Variants in AQP9 observed in about 807,000 individuals in gnomAD.
AQP9 encodes aquaporin-9.
Under a neutral mutation model 23.8 loss-of-function variants are expected in AQP9, and 19 were observed. The ratio of observed to expected loss-of-function variants is 0.80; its 90% CI spans 0.56 to 1.17. The LOEUF (loss-of-function observed/expected upper bound fraction) is 1.17, where lower values mean the gene tolerates loss of function less well. Ranked by LOEUF, AQP9 falls within the 50% of genes most tolerant of loss-of-function variation. AQP9 has a pLI of 0.00. For synonymous variants in AQP9, 153 were observed against 131.5 expected (o/e 1.16, Z -1.12); for missense variants, 413 against 362.0 (o/e 1.14, Z -1.14).
At chr15:58,167,729 G>T (rs1339569406) in intron 2 of AQP9, among the ~76,000 whole-genome samples, 2 of 151,126 alleles carry the variant, frequency 1.3e-5, no homozygotes, top group Non-Finnish European at 2.9e-5. Context: ...TTTTTGTTTG[G>T]TTTTGTTTTT....
At chr15:58,146,817 G>A (rs756070898) in intron 1 of AQP9, 2 of 152,192 alleles carry the variant, frequency 1.3e-5, no homozygotes, top group Non-Finnish European at 2.9e-5. Flanking sequence ...AAGCCTGGGG[G>A]ATGCAGGTGC....
chr15:58,138,367 AG>A, upstream of AQP9: 2 of 476,038 alleles, frequency 4.2e-6, no homozygotes, highest in Non-Finnish European at 7.6e-6. Flanking sequence ...AGCAGCGAAC[AG>A]GGAATGACAG....
At position 58,174,864 on chromosome 15, in the gene AQP9, C is replaced by A. The variant is rs202150980; in HGVS notation, c.377-54C>A. 1.1e-3 allele frequency: 1,676 copies of A among 1,487,344 alleles called. 30 individuals carry two copies. The highest frequency in any genetic ancestry group is 2.3e-4 in the Non-Finnish European group (240 of 1,065,288). 92.1% of individuals were successfully genotyped at this position (1,487,344 alleles called of 1,614,324 possible). A position where few individuals can be genotyped will look rare whatever the true frequency, so the allele number is the denominator to read the frequency against. On this transcript the variant is annotated intron_variant, in intron 3 of 5. Transcript: ENST00000219919. ...GTTTAGCACAAGGCTTGGCACAGGC[C>A]TCCTTCAACTCTTCCCAGGGAACAC...
At chr15:58,168,616 G>A (rs1898558092) in intron 2 of AQP9, among the ~76,000 whole-genome samples, 1 of 152,240 alleles carries the variant, frequency 6.6e-6, no homozygotes, top group South Asian at 2.1e-4. Flanking sequence ...AGGCTGGACT[G>A]TGATGGTGGG....
chr15:58,139,331 G>A (rs1159238865), intron 1 of AQP9, among the ~76,000 whole-genome samples: 1 of 152,066 alleles, frequency 6.6e-6, no homozygotes, highest in Non-Finnish European at 1.5e-5. Flanking sequence ...TATAAACGAG[G>A]GACGACTTCT....
At chr15:58,140,453 T>G (rs1897932782) in intron 1 of AQP9, among the ~76,000 whole-genome samples, 2 of 152,218 alleles carry the variant, frequency 1.3e-5, no homozygotes, top group African/African-American at 4.8e-5. Flanking sequence ...TAATTTCCAT[T>G]TATACTATAC....
intron 1 of AQP9, among the ~76,000 whole-genome samples, chr15:58,165,956 G>A (rs1898492605): frequency 6.6e-6 from 1 of 152,138 alleles, no homozygotes; most frequent in Non-Finnish European, 1.5e-5. Context: ...TGAGAATAAG[G>A]GGGTCCTGAT....
chr15:58,178,445 T>G (rs1340515557), intron 4 of AQP9, among the ~76,000 whole-genome samples: 1 of 152,242 alleles, frequency 6.6e-6, no homozygotes, highest in Non-Finnish European at 1.5e-5. Context: ...ATTATTTCCA[T>G]TGTGTAATTC....
chr15:58,175,756 G>A (rs1434378370), intron 4 of AQP9, among the ~76,000 whole-genome samples: 1 of 152,176 alleles, frequency 6.6e-6, no homozygotes, highest in African/African-American at 2.4e-5. Context: ...GATCAGAATG[G>A]GCATGTGTAT....
At chr15:58,176,382 G>A (rs1391054995) in intron 4 of AQP9, among the ~76,000 whole-genome samples, 1 of 152,014 alleles carries the variant, frequency 6.6e-6, no homozygotes, top group Non-Finnish European at 1.5e-5. Context: ...GCCATGCGTG[G>A]TGGTGCTTGC....
chr15:58,157,677 T>A (rs1463180610), intron 1 of AQP9, among the ~76,000 whole-genome samples: 1 of 151,544 alleles, frequency 6.6e-6, no homozygotes, highest in Admixed American at 6.6e-5. Context: ...AGGAGAGGAG[T>A]GTGTGAGAGA....
Position 58,138,434 on chromosome 15 carries a change from C to T in AQP9, c.-132C>T. ...CTAATTGGAACGGCATTTGTACAGT[C>T]AGAGACTCTTACCAGACATCTCCAG... is the stretch of plus-strand genomic sequence containing the variant. On this transcript the variant is annotated 5_prime_UTR_variant, in exon 1 of 6. Coordinates refer to ENST00000219919, the MANE Select transcript of AQP9 (RefSeq NM_020980.5). The T allele has an allele frequency of 1.5e-6, 1 of 667,986 alleles. No homozygotes were observed. The highest frequency in any genetic ancestry group is 2.6e-6 in the Non-Finnish European group (1 of 385,250). The allele number at this position is 667,986 out of a possible 1,614,324, so 41.4% of individuals were successfully genotyped here.
intron 1 of AQP9, among the ~76,000 whole-genome samples, chr15:58,158,237 T>C (rs911604563): frequency 1.3e-5 from 2 of 152,174 alleles, no homozygotes; most frequent in African/African-American, 4.8e-5. Flanking sequence ...GTATCCTCCC[T>C]GAAGATTTCC....
chr15:58,176,750 C>T (rs1156711880), intron 4 of AQP9, among the ~76,000 whole-genome samples: 1 of 151,652 alleles, frequency 6.6e-6, no homozygotes, highest in African/African-American at 2.4e-5. Flanking sequence ...AGCTAGGATT[C>T]CCAGTGTGAG....
chr15:58,176,898 C>T (rs1289740616), intron 4 of AQP9, among the ~76,000 whole-genome samples: 1 of 152,160 alleles, frequency 6.6e-6, no homozygotes, highest in Non-Finnish European at 1.5e-5. Context: ...TGCTGACCTG[C>T]ATACCATATC....
chr15:58,180,634 A>C (rs778923110), intron 5 of AQP9, among the ~76,000 whole-genome samples: 4 of 152,208 alleles, frequency 2.6e-5, no homozygotes, highest in Non-Finnish European at 4.4e-5. Flanking sequence ...AGAAATTGAC[A>C]ATCCAATAAA....
intron 4 of AQP9, among the ~76,000 whole-genome samples, chr15:58,177,799 T>C (rs1170256665): frequency 1.3e-5 from 2 of 152,224 alleles, no homozygotes; most frequent in African/African-American, 4.8e-5. Flanking sequence ...AGTAAAACAG[T>C]AGTTTGGAAA....
At chr15:58,140,894 G>C (rs1260327028) in intron 1 of AQP9, among the ~76,000 whole-genome samples, 1 of 152,086 alleles carries the variant, frequency 6.6e-6, no homozygotes, top group African/African-American at 2.4e-5. Flanking sequence ...CAACACATGG[G>C]CCACGGACTG....
At chr15:58,138,814 T>A (rs1374000720) in intron 1 of AQP9, 138 bp downstream of exon 1, 2 of 707,688 alleles carry the variant, frequency 2.8e-6, no homozygotes, top group Non-Finnish European at 4.7e-6. Flanking sequence ...AGAAACAAGT[T>A]ACTAGAGGCT....
Sources: allele counts gnomAD v4.1 joint callset (sites outside exome capture counted in the v4.1 genomes callset), GRCh38; gene constraint gnomAD v4.1.1; transcripts MANE v1.5; gene names NCBI Gene and HGNC (gene_info 2026-07-23, HGNC 2026-07-21).